DCP2: variants seen among roughly 807,000 people sequenced by gnomAD.
The protein encoded by DCP2 is m7GpppN-mRNA hydrolase.
In DCP2, 30 loss-of-function variants were observed where a neutral mutation model predicts 56.1. That is an observed-to-expected ratio of 0.53 (90% CI 0.40 to 0.73). The LOEUF is 0.73. DCP2 is among the 30% of genes least tolerant of loss of function. DCP2 has a pLI of 0.00. For missense variants in DCP2, 533 were observed against 502.7 expected (o/e 1.06, Z -0.58); for synonymous variants, 197 against 163.3 (o/e 1.21, Z -1.57).
At chr5:113,000,324 T>A in intron 4 of DCP2, among the ~76,000 whole-genome samples, 1 of 151,034 alleles carries the variant, frequency 6.6e-6, no homozygotes, top group African/African-American at 2.4e-5. Flanking sequence ...CTCTGTGGCC[T>A]CCCAAAGTAC....
At chr5:112,986,078 C>A in intron 2 of DCP2, 92 bp downstream of exon 2, 2 of 1,302,008 alleles carry the variant, frequency 1.5e-6, no homozygotes, top group Non-Finnish European at 2.1e-6. Context: ...GATTTTAAAA[C>A]TATTAGAGAA....
At chr5:112,996,320 T>G (rs1206721397) in intron 4 of DCP2, among the ~76,000 whole-genome samples, 1 of 152,208 alleles carries the variant, frequency 6.6e-6, no homozygotes, top group East Asian at 1.9e-4. Flanking sequence ...CGTTTTTCCT[T>G]TTCATTTCCA....
In DCP2 at chr5:113,013,854, T is replaced by C. The variant is rs1749778445; in HGVS notation, c.*370T>C. ...CTACCTGTTACAGTGATTGCAATAA[T>C]AGTATATTGGAGTTTTTCAAAGAAA... is the stretch of plus-strand genomic sequence containing the variant. On this transcript the variant is annotated 3_prime_UTR_variant, in exon 11 of 11. Transcript: ENST00000389063. The C allele has an allele frequency of 6.0e-6, 1 of 166,492 alleles. No homozygotes were observed. The highest frequency in any genetic ancestry group is 1.3e-5 in the Non-Finnish European group (1 of 77,468). 10.3% of individuals were successfully genotyped at this position (166,492 alleles called of 1,614,324 possible).
chr5:113,001,785 C>T (rs376982204), intron 7 of DCP2, 111 bp downstream of exon 7: 2 of 922,558 alleles, frequency 2.2e-6, no homozygotes, highest in Admixed American at 2.2e-5. Flanking sequence ...TTTATAGATA[C>T]TCTTTGTTAC....
At chr5:112,999,624 G>GA (rs1281408385) in intron 4 of DCP2, among the ~76,000 whole-genome samples, 144 of 146,528 alleles carry the variant, frequency 9.8e-4, no homozygotes, top group African/African-American at 3.5e-3. Context: ...ATCGCACCCA[G>GA]CCTTTTTTTT....
At chr5:113,012,898 T>G (rs1749737163) in intron 10 of DCP2, among the ~76,000 whole-genome samples, 1 of 152,188 alleles carries the variant, frequency 6.6e-6, no homozygotes, top group Non-Finnish European at 1.5e-5. Flanking sequence ...CTCCTTGGCC[T>G]CCCAAAGTGC....
rs1750168545 is a variant in DCP2 at position 113,022,020 on chromosome 5, C to A, written c.*8536C>A. 6.6e-6 allele frequency: 1 copy of A among 152,148 alleles called. No individual in the cohort carries two copies. Among genetic ancestry groups the A allele is most frequent in the Non-Finnish European group, 1.5e-5 (1 of 68,038 alleles). 9.4% of individuals were successfully genotyped at this position (152,148 alleles called of 1,614,324 possible). A position where few individuals can be genotyped will look rare whatever the true frequency, so the allele number is the denominator to read the frequency against. On this transcript the variant is annotated 3_prime_UTR_variant, in exon 11 of 11. Transcript: ENST00000389063. Reference sequence around the variant, plus strand: ...AGGGCTCTTGATTTCATGTAAGCATCATGGATTTGATATTTGCCTGCATGT... The same window carrying A: ...AGGGCTCTTGATTTCATGTAAGCATAATGGATTTGATATTTGCCTGCATGT...
In DCP2 at chr5:113,003,044, A is replaced by G. The variant is rs7356665; in HGVS notation, c.807-898A>G. ...AATTAAATAGGAGTAAACCACCTCT[A>G]TAGTAAGCATTTCTTAAATCAGTAG... On this transcript the variant is annotated intron_variant, in intron 7 of 10. Coordinates refer to ENST00000389063, the MANE Select transcript of DCP2 (RefSeq NM_152624.6). Among the ~76,000 whole-genome samples, 722 of 152,350 alleles carry G rather than the reference A, an allele frequency of 4.7e-3. 7 individuals carry two copies. Among genetic ancestry groups the G allele is most frequent in the African/African-American group, 0.016 (660 of 41,584 alleles).
In DCP2 at chr5:113,011,707, T is replaced by A. The variant is rs370610789; in HGVS notation, c.1099+900T>A. ...GAAAGGAACTATCATTAGAATTTAG[T>A]TTGATACAGTCCCACTTGTTTATTT... is the stretch of plus-strand genomic sequence containing the variant. On this transcript the variant is annotated intron_variant, in intron 10 of 10. Coordinates refer to ENST00000389063, the MANE Select transcript of DCP2 (RefSeq NM_152624.6). Among the ~76,000 whole-genome samples the A allele has an allele frequency of 2.6e-5, 4 of 152,362 alleles. No homozygotes were observed. The South Asian group carries it at 6.2e-4, about 24-fold the overall frequency.
rs748586852 is a variant in DCP2, at chr5:112,976,881, A to G, written c.-53A>G. On this transcript the variant is annotated 5_prime_UTR_variant, in exon 1 of 11. Transcript: ENST00000389063. ...GCCGGAGTCCTAGTGCCGTACCGTC[A>G]GTCCCCGGCCGCGCGGAGCCGGGAT... 6.3e-6 allele frequency: 10 copies of G among 1,589,232 alleles called. No homozygotes were observed. The Admixed American group carries it at 1.5e-4, about 24-fold the overall frequency.
chr5:112,988,211 G>A (rs577842507), intron 2 of DCP2, among the ~76,000 whole-genome samples: 6 of 151,838 alleles, frequency 4.0e-5, no homozygotes, highest in East Asian at 1.9e-4. Flanking sequence ...GGCCGGGTGC[G>A]GTGGCTCATG....
chr5:113,004,220 G>A, intron 8 of DCP2, 143 bp downstream of exon 8: 1 of 955,888 alleles, frequency 1.0e-6, no homozygotes, highest in Non-Finnish European at 1.5e-6. Flanking sequence ...CTTATGATTT[G>A]AAGCAGGGCT....
In DCP2 at chr5:113,013,362, C is replaced by T. The variant is rs758154928; in HGVS notation, c.1141C>T (p.Leu381=). 6.2e-7 allele frequency: 1 copy of T among 1,614,112 alleles called. No individual in the cohort carries two copies. The highest frequency in any genetic ancestry group is 1.7e-5 in the Admixed American group (1 of 60,026). The change falls in exon 11 of 11, where the codon CTA becomes TTA. Residue 381 remains leucine (L), a synonymous_variant. Coordinates refer to ENST00000389063, the MANE Select transcript of DCP2 (RefSeq NM_152624.6). ...GCCTAGCTCCAGTGAAGACCAGTTG[C>T]TAGAACATGCTGAGGGACAGCCCGT... The part of the protein sequence containing the change: ...DLPSSSEDQL[L]EHAEGQPVAC...
rs1427645332 is a variant in DCP2 at position 113,020,363 on chromosome 5, GA to G, written c.*6882del. 1 of 118,900 alleles carries G rather than the reference GA, an allele frequency of 8.4e-6. No homozygotes were observed. Among genetic ancestry groups the G allele is most frequent in the Non-Finnish European group, 1.9e-5 (1 of 51,464 alleles). 7.4% of individuals were successfully genotyped at this position (118,900 alleles called of 1,614,324 possible). ...CTTATAGGGCATTTTAATGCTTGGA[GA>G]AAGACTATAAGTGAATCTACTTCAA... On this transcript the variant is annotated 3_prime_UTR_variant, in exon 11 of 11. Coordinates refer to ENST00000389063, the MANE Select transcript of DCP2 (RefSeq NM_152624.6).
rs1749824983 is a variant in DCP2 at position 113,014,963 on chromosome 5, T to C, written c.*1479T>C. 6.6e-6 allele frequency: 1 copy of C among 152,660 alleles called. No individual in the cohort carries two copies. The highest frequency in any genetic ancestry group is 1.5e-5 in the Non-Finnish European group (1 of 68,048). The allele number at this position is 152,660 out of a possible 1,614,324, so 9.5% of individuals were successfully genotyped here. Reference sequence around the variant, plus strand: ...ACTTGGTAGTACTTTGCTTTAGCTTTTAAATGGCTTGATTTTAAAGGAGAA... The same window carrying C: ...ACTTGGTAGTACTTTGCTTTAGCTTCTAAATGGCTTGATTTTAAAGGAGAA... On this transcript the variant is annotated 3_prime_UTR_variant, in exon 11 of 11. Transcript: ENST00000389063.
At chr5:112,993,639 AC>A (rs1282756254) in intron 4 of DCP2, among the ~76,000 whole-genome samples, 4 of 132,524 alleles carry the variant, frequency 3.0e-5, no homozygotes, top group South Asian at 2.7e-4. Context: ...AAAAAAAAAA[AC>A]CAAAAAAAAA....
chr5:113,004,425 G>A (rs971430665), intron 8 of DCP2, among the ~76,000 whole-genome samples: 1 of 152,136 alleles, frequency 6.6e-6, no homozygotes, highest in Non-Finnish European at 1.5e-5. Flanking sequence ...TGTAAACTTC[G>A]ATTTTCATTG....
In DCP2 at chr5:112,992,839, A is replaced by G. The variant is rs1482882688; in HGVS notation, c.432+69A>G. 6 of 1,202,408 alleles carry G rather than the reference A, an allele frequency of 5.0e-6. No individual in the cohort carries two copies. In the South Asian group the frequency reaches 6.6e-5, roughly 13 times the overall value. 74.5% of individuals were successfully genotyped at this position (1,202,408 alleles called of 1,614,324 possible). Reference sequence around the variant, plus strand: ...GTCTGAATGTATTTTTTTTAGCCATATAGACTTACTTCTTTGGACTGTCTT... The same window carrying G: ...GTCTGAATGTATTTTTTTTAGCCATGTAGACTTACTTCTTTGGACTGTCTT... On this transcript the variant is annotated intron_variant, in intron 4 of 10. Coordinates refer to ENST00000389063, the MANE Select transcript of DCP2 (RefSeq NM_152624.6).
rs1320112963 is a variant in DCP2 at position 113,001,687 on chromosome 5, A to T, written c.806+13A>T. 1.3e-6 allele frequency: 2 copies of T among 1,599,090 alleles called. No individual in the cohort carries two copies. Among genetic ancestry groups the T allele is most frequent in the African/African-American group, 2.7e-5 (2 of 74,590 alleles). ...TGGAAAAATTGAGGTAAAGAAATAC[A>T]TTCATGGAATCCTGATTTTCTAATA... On this transcript the variant is annotated intron_variant, in intron 7 of 10. Transcript: ENST00000389063.
Sources: allele counts gnomAD v4.1 joint callset (sites outside exome capture counted in the v4.1 genomes callset), GRCh38; gene constraint gnomAD v4.1.1; transcripts MANE v1.5; gene names NCBI Gene and HGNC (gene_info 2026-07-23, HGNC 2026-07-21).